ZBTB32: variants seen among roughly 807,000 people sequenced by gnomAD.
ZBTB32 encodes zinc finger and BTB domain-containing protein 32.
A neutral mutation model predicts 45.3 loss-of-function variants in ZBTB32; 28 were observed. The ratio of observed to expected loss-of-function variants is 0.62; its 90% confidence interval spans 0.46 to 0.85. The LOEUF (loss-of-function observed/expected upper bound fraction) is 0.85, where lower values mean the gene tolerates loss of function less well. ZBTB32 is among the 40% of genes least tolerant of loss of function. The pLI is 0.00. For missense variants in ZBTB32, 587 were observed against 624.4 expected, an observed-to-expected ratio of 0.94 and a Z score of 0.64; for synonymous variants, 283 against 255.7, an observed-to-expected ratio of 1.11 and a Z score of -1.02.
rs867346854 is a variant in ZBTB32 at position 35,716,199 on chromosome 19, C to A, written c.1091C>A (p.Pro364Gln). The A allele has an allele frequency of 7.4e-6, 12 of 1,613,722 alleles. No individual in the cohort carries two copies. Among genetic ancestry groups the A allele is most frequent in the South Asian group, 2.2e-5 (2 of 91,042 alleles). ...TGCCCACCTCGCCCGCACCCTCCCC[C>A]GGCCCCTCCTGCTCGGTCTCGGCCC... The part of the protein sequence containing the change: ...AGCPPRPHPP[P>Q]APPARSRPYA... The change falls in exon 6 of 7, where the codon CCG becomes CAG. Residue 364 changes from proline (P) to glutamine (Q), a missense_variant. By Grantham distance (76) the Pro-to-Gln change is moderately conservative. Transcript: ENST00000392197.
intron 1 of ZBTB32, among the ~76,000 whole-genome samples, chr19:35,706,537 C>T (rs1339575769): frequency 6.6e-6 from 1 of 151,992 alleles, no homozygotes; most frequent in Non-Finnish European, 1.5e-5. Context: ...GCCTGGCCAA[C>T]GTGGTGAAAC....
At chr19:35,713,907 G>A (rs143044910) in intron 2 of ZBTB32, among the ~76,000 whole-genome samples, 88 of 152,358 alleles carry the variant, frequency 5.8e-4, no homozygotes, top group African/African-American at 2.0e-3. Flanking sequence ...CCTCTCCTGT[G>A]GCTTCTGCAC....
At chr19:35,705,066 G>A (rs892467132) in intron 1 of ZBTB32, among the ~76,000 whole-genome samples, 1 of 152,130 alleles carries the variant, frequency 6.6e-6, no homozygotes, top group Non-Finnish European at 1.5e-5. Flanking sequence ...AGCACTTTGG[G>A]AGGCTGAGGC....
intron 1 of ZBTB32, among the ~76,000 whole-genome samples, chr19:35,707,012 A>G (rs614225): frequency 0.57 from 87,197 of 151,726 alleles, 26,794 homozygotes; most frequent in African/African-American, 0.8. Flanking sequence ...GTGCTGGCAC[A>G]TGAAGTGTGC....
intron 1 of ZBTB32, among the ~76,000 whole-genome samples, chr19:35,708,404 G>A (rs1052615353): frequency 1.3e-5 from 2 of 152,168 alleles, no homozygotes; most frequent in African/African-American, 4.8e-5. Context: ...TTTTGACTCA[G>A]CCTATGCGAA....
At position 35,716,129 on chromosome 19, in the gene ZBTB32, A is replaced by C; in HGVS notation, c.1025-4A>C. 6.2e-7 allele frequency: 1 copy of C among 1,613,384 alleles called. No individual in the cohort carries two copies. The highest frequency in any genetic ancestry group is 8.5e-7 in the Non-Finnish European group (1 of 1,179,790). On this transcript the variant is annotated splice_polypyrimidine_tract_variant and splice_region_variant and intron_variant, in intron 5 of 6. Transcript: ENST00000392197. Reference sequence around the variant, plus strand: ...GCCCTCCTTTGCCTTCTCTGTCCCCACAGGCGCACTTGCAACCTGTGCGGG... The same window carrying C: ...GCCCTCCTTTGCCTTCTCTGTCCCCCCAGGCGCACTTGCAACCTGTGCGGG...
intron 1 of ZBTB32, among the ~76,000 whole-genome samples, chr19:35,705,929 A>T (rs901739008): frequency 1.5e-4 from 18 of 121,386 alleles, no homozygotes; most frequent in African/African-American, 5.3e-4. Flanking sequence ...AAAATTAATT[A>T]AAAAAAAAAA....
In ZBTB32 at chr19:35,714,743, G is replaced by T. The variant is rs1221553553; in HGVS notation, c.117G>T (p.Glu39Asp). 2.3e-5 allele frequency: 37 copies of T among 1,614,034 alleles called. No individual in the cohort carries two copies. In the East Asian group the frequency reaches 8.0e-4, roughly 35 times the overall value. The change falls in exon 3 of 7, where the codon GAG becomes GAT. Residue 39 changes from glutamate to aspartate, a missense_variant. Glu to Asp is a conservative substitution (Grantham distance 45, BLOSUM62 2). Coordinates refer to ENST00000392197, the MANE Select transcript of ZBTB32 (RefSeq NM_014383.3). ...CDTLITVGSQ[E>D]FPAHSLVLAG... is the part of the protein sequence containing the mutation. ...CTCTGATCACCGTAGGGAGCCAGGA[G>T]TTCCCCGCCCACAGCCTGGTGCTAG... is the stretch of plus-strand genomic sequence containing the variant.
rs542255858 is a variant in ZBTB32, at chr19:35,715,710, G to A, written c.882-47G>A. 216 of 1,559,696 alleles carry A rather than the reference G, an allele frequency of 1.4e-4. 1 individual carries two copies. The South Asian group carries it at 2.3e-3, about 17-fold the overall frequency. On this transcript the variant is annotated intron_variant, in intron 3 of 6. Coordinates refer to ENST00000392197, the MANE Select transcript of ZBTB32 (RefSeq NM_014383.3). ...TACCCCCTCTTCACGAAGGGGCCAG[G>A]CTCCCAGGTTTAGCCAAGGCTGTAA...
At chr19:35,708,050 A>G (rs1345482753) in intron 1 of ZBTB32, among the ~76,000 whole-genome samples, 1 of 152,126 alleles carries the variant, frequency 6.6e-6, no homozygotes, top group African/African-American at 2.4e-5. Context: ...GAGATTTAGA[A>G]CCATTGGAAT....
Position 35,714,745 on chromosome 19 carries a change from T to C in ZBTB32, c.119T>C (p.Phe40Ser). The change falls in exon 3 of 7, where the codon TTC becomes TCC. Residue 40 changes from phenylalanine (F) to serine (S), a missense_variant. Transcript: ENST00000392197. ...DTLITVGSQEFPAHSLVLAGV... is the reference protein window; with the variant it reads ...DTLITVGSQESPAHSLVLAGV... ...CTGATCACCGTAGGGAGCCAGGAGT[T>C]CCCCGCCCACAGCCTGGTGCTAGCA... is the stretch of plus-strand genomic sequence containing the variant. The C allele has an allele frequency of 6.2e-7, 1 of 1,614,058 alleles. No homozygotes were observed. Among genetic ancestry groups the C allele is most frequent in the Middle Eastern group, 1.7e-4 (1 of 6,060 alleles).
At position 35,716,598 on chromosome 19, in the gene ZBTB32, G is replaced by A; in HGVS notation, c.1310G>A (p.Cys437Tyr). ...PYRCSLCGAG[C>Y]PSLASMQAHM... ...CGCTGCTCCCTGTGCGGGGCCGGCTGTCCCAGCCTGGCCTCCATGCAGGCG... is the reference window on the plus strand; with the variant it reads ...CGCTGCTCCCTGTGCGGGGCCGGCTATCCCAGCCTGGCCTCCATGCAGGCG... Residue 437 changes from cysteine (C) to tyrosine (Y), a missense_variant, in exon 7 of 7, where the codon TGT becomes TAT. By Grantham distance (194) the Cys-to-Tyr change is radical. Transcript: ENST00000392197. The A allele has an allele frequency of 1.9e-6, 3 of 1,613,206 alleles. No individual in the cohort carries two copies. The highest frequency in any genetic ancestry group is 2.5e-6 in the Non-Finnish European group (3 of 1,179,934).
chr19:35,706,228 C>CAAA (rs11331490), intron 1 of ZBTB32, among the ~76,000 whole-genome samples: 1 of 130,700 alleles, frequency 7.7e-6, no homozygotes, highest in African/African-American at 2.8e-5. Flanking sequence ...AACTCCATCT[C>CAAA]AAAAAAAAAA....
chr19:35,707,038 G>C (rs906105486), intron 1 of ZBTB32, among the ~76,000 whole-genome samples: 1 of 151,828 alleles, frequency 6.6e-6, no homozygotes, highest in Non-Finnish European at 1.5e-5. Context: ...ATCCCAGCTC[G>C]GCAGACAGCC....
At chr19:35,712,024 CAAA>C (rs773746029) in intron 1 of ZBTB32, among the ~76,000 whole-genome samples, 3 of 54,836 alleles carry the variant, frequency 5.5e-5, no homozygotes, top group Admixed American at 1.9e-4. Context: ...GACTGCGTCT[CAAA>C]AAAAAAAAAA....
intron 1 of ZBTB32, among the ~76,000 whole-genome samples, chr19:35,712,024 CAAAAAAAAAAAAAA>C (rs773746029): frequency 7.3e-5 from 4 of 54,830 alleles, no homozygotes; most frequent in East Asian, 7.7e-4. Flanking sequence ...GACTGCGTCT[CAAAAAAAAAAAAAA>C]AAAAAAAAAA....
chr19:35,716,089 G>T, intron 5 of ZBTB32, 44 bp from the exon 6 acceptor site: 1 of 1,611,744 alleles, frequency 6.2e-7, no homozygotes, highest in East Asian at 2.2e-5. Flanking sequence ...AGTTGGCGCT[G>T]GGATTCCTGG....
chr19:35,707,783 A>G (rs1451384536), intron 1 of ZBTB32, among the ~76,000 whole-genome samples: 2 of 151,958 alleles, frequency 1.3e-5, no homozygotes, highest in Non-Finnish European at 2.9e-5. Context: ...GAAGTTTGAG[A>G]CCAGCCTGGC....
At chr19:35,710,158 C>T (rs1968650034) in intron 1 of ZBTB32, among the ~76,000 whole-genome samples, 1 of 151,572 alleles carries the variant, frequency 6.6e-6, no homozygotes, top group Admixed American at 6.6e-5. Context: ...TGCAGTGAGC[C>T]AAGATAGCGC....
Sources: allele counts gnomAD v4.1 joint callset (sites outside exome capture counted in the v4.1 genomes callset), GRCh38; gene constraint gnomAD v4.1.1; transcripts MANE v1.5; gene names NCBI Gene and HGNC (gene_info 2026-07-23, HGNC 2026-07-21).